OR8K3: variants seen among roughly 807,000 people sequenced by gnomAD.
OR8K3 encodes olfactory receptor 8K3.
For synonymous variants in OR8K3, 167 were observed against 138.8 expected, an observed-to-expected ratio of 1.20 and a Z score of -1.43; for missense variants, 448 against 367.4, an observed-to-expected ratio of 1.22 and a Z score of -1.79.
chr11:56,318,489 T>C lies in OR8K3; in HGVS notation c.183T>C (p.Phe61=), dbSNP rs1440599137. Residue 61 remains phenylalanine, a synonymous_variant, in exon 3 of 3, where the codon TTT becomes TTC. Transcript: ENST00000641662. The part of the protein sequence containing the change: ...LDSRLQTPMY[F]FLRHLAFMDL... ...CCAGGTTGCAAACCCCTATGTACTT[T>C]TTTCTCAGACATCTGGCTTTCATGG... is the stretch of plus-strand genomic sequence containing the variant. 2 of 1,614,106 alleles carry C rather than the reference T, an allele frequency of 1.2e-6. No homozygotes were observed. Among genetic ancestry groups the C allele is most frequent in the African/African-American group, 1.3e-5 (1 of 75,040 alleles).
chr11:56,316,816 T>G (rs1854449887), intron 2 of OR8K3, among the ~76,000 whole-genome samples: 1 of 152,026 alleles, frequency 6.6e-6, no homozygotes, highest in Admixed American at 6.6e-5. Flanking sequence ...TCAGATTTCC[T>G]CAAACTCCCC....
chr11:56,317,707 C>A (rs1372358348), intron 2 of OR8K3, among the ~76,000 whole-genome samples: 1 of 152,012 alleles, frequency 6.6e-6, no homozygotes, highest in Non-Finnish European at 1.5e-5. Context: ...AAACATAGTA[C>A]AATAATTGTT....
At chr11:56,317,339 A>G (rs1401372635) in intron 2 of OR8K3, among the ~76,000 whole-genome samples, 2 of 152,142 alleles carry the variant, frequency 1.3e-5, no homozygotes, top group Non-Finnish European at 1.5e-5. Context: ...GGTTCTGGAT[A>G]TTAGAACAAA....
rs1393565412 is a variant in OR8K3 at position 56,318,475 on chromosome 11, A to T, written c.169A>T (p.Thr57Ser). The stretch of plus-strand genomic sequence containing the variant: ...CACCAAGTTGGACTCCAGGTTGCAA[A>T]CCCCTATGTACTTTTTTCTCAGACA... ...VLTKLDSRLQ[T>S]PMYFFLRHLA... Residue 57 changes from threonine to serine, a missense_variant, in exon 3 of 3, where the codon ACC (threonine) becomes TCC (serine). Thr to Ser is a moderately conservative substitution (Grantham distance 58, BLOSUM62 1). Transcript: ENST00000641662. 1.9e-6 allele frequency: 3 copies of T among 1,613,916 alleles called. No individual in the cohort carries two copies. Among genetic ancestry groups the T allele is most frequent in the Non-Finnish European group, 2.5e-6 (3 of 1,179,970 alleles).
rs1854495722 is a variant in OR8K3 at position 56,319,428 on chromosome 11, T to G, written c.*183T>G. 3.5e-6 allele frequency: 2 copies of G among 570,984 alleles called. No homozygotes were observed. The highest frequency in any genetic ancestry group is 1.9e-5 in the African/African-American group (1 of 53,604). 35.4% of individuals were successfully genotyped at this position (570,984 alleles called of 1,614,324 possible). ...AAAATAGTAGAAATCTTTGCCTTCC[T>G]TGATGGATAGATGAATTGTATTCAC... is the stretch of plus-strand genomic sequence containing the variant. On this transcript the variant is annotated 3_prime_UTR_variant, in exon 3 of 3. Transcript: ENST00000641662.
At chr11:56,315,439 G>A (rs1854430092) in intron 1 of OR8K3, among the ~76,000 whole-genome samples, 1 of 152,094 alleles carries the variant, frequency 6.6e-6, no homozygotes, top group African/African-American at 2.4e-5. Context: ...TCATGATATT[G>A]TTTCTAAAGT....
intron 2 of OR8K3, among the ~76,000 whole-genome samples, chr11:56,316,433 T>C (rs1854444434): frequency 3.4e-5 from 1 of 29,622 alleles, no homozygotes; most frequent in Non-Finnish European, 7.0e-5. Flanking sequence ...GGCTTACGAT[T>C]TTTTTTAACT....
In OR8K3 at chr11:56,319,959, T is replaced by C. The variant is rs144777597; in HGVS notation, c.*714T>C. On this transcript the variant is annotated 3_prime_UTR_variant, in exon 3 of 3. Transcript: ENST00000641662. ...TTTACATGAGTAGATATATCAATTA[T>C]GCTTAAGTTTAGAAGACATCCATAG... 1.0e-3 allele frequency: 156 copies of C among 152,352 alleles called. No homozygotes were observed. The highest frequency in any genetic ancestry group is 3.6e-3 in the African/African-American group (148 of 41,582). 9.4% of individuals were successfully genotyped at this position (152,352 alleles called of 1,614,324 possible).
rs149952066 is a variant in OR8K3, at chr11:56,318,350, C to T, written c.44C>T (p.Thr15Met). The T allele has an allele frequency of 1.2e-4, 192 of 1,613,530 alleles. No individual in the cohort carries two copies. Among genetic ancestry groups the T allele is most frequent in the Admixed American group, 1.5e-4 (9 of 59,954 alleles). The change falls in exon 3 of 3, where the codon ACG becomes ATG. Residue 15 changes from threonine to methionine, a missense_variant. By Grantham distance (81) the Thr-to-Met change is moderately conservative. Coordinates refer to ENST00000641662, the MANE Select transcript of OR8K3 (RefSeq NM_001005202.2). ...NLTTVNEFILTGITDIAELQA... is the reference protein window; with the variant it reads ...NLTTVNEFILMGITDIAELQA... ...ACAACGGTGAATGAATTCATTCTTA[C>T]GGGAATCACAGATATCGCTGAGCTG...
intron 2 of OR8K3, among the ~76,000 whole-genome samples, chr11:56,317,408 A>AAGAT (rs1302093792): frequency 6.6e-6 from 1 of 152,150 alleles, no homozygotes; most frequent in Middle Eastern, 3.2e-3. Flanking sequence ...GACATAAATT[A>AAGAT]AGATATAGTG....
chr11:56,317,908 T>C (rs1187182216), intron 2 of OR8K3, among the ~76,000 whole-genome samples: 1 of 152,146 alleles, frequency 6.6e-6, no homozygotes, highest in Non-Finnish European at 1.5e-5. Flanking sequence ...TCATCAGAGT[T>C]TCTCAACCTT....
chr11:56,315,182 A>AAAT lies in OR8K3; in HGVS notation c.-82+15_-82+16insAAT, dbSNP rs978705519. On this transcript the variant is annotated intron_variant, in intron 1 of 2. Coordinates refer to ENST00000641662, the MANE Select transcript of OR8K3 (RefSeq NM_001005202.2). ...CTTCCTTACAGGTAAAAAAAAAAAA[A>AAAT]GTAAGAATGTTTCTTGTGGTGTCAT... 1.3e-5 allele frequency: 2 copies of AAAT among 151,016 alleles called. No individual in the cohort carries two copies. Among genetic ancestry groups the AAAT allele is most frequent in the African/African-American group, 4.9e-5 (2 of 40,994 alleles). 9.4% of individuals were successfully genotyped at this position (151,016 alleles called of 1,614,324 possible).
At position 56,319,555 on chromosome 11, in the gene OR8K3, G is replaced by A. The variant is rs2134870560; in HGVS notation, c.*310G>A. 3.7e-6 allele frequency: 1 copy of A among 268,190 alleles called. No individual in the cohort carries two copies. The highest frequency in any genetic ancestry group is 7.4e-5 in the East Asian group (1 of 13,562). 16.6% of individuals were successfully genotyped at this position (268,190 alleles called of 1,614,324 possible). ...GTATGCTGGGTGGCAGTAGGAAACA[G>A]TGGTCATTACAGAAGGGAGTTACGA... is the stretch of plus-strand genomic sequence containing the variant. On this transcript the variant is annotated 3_prime_UTR_variant, in exon 3 of 3. Transcript: ENST00000641662.
chr11:56,318,390 T>C lies in OR8K3; in HGVS notation c.84T>C (p.Phe28=). ...TDIAELQAPL[F]ALFLMIYVIS... ...TCGCTGAGCTGCAGGCACCATTATT[T>C]GCATTGTTCCTCATGATCTATGTGA... is the stretch of plus-strand genomic sequence containing the variant. Residue 28 remains phenylalanine (F), a synonymous_variant, in exon 3 of 3, where the codon TTT becomes TTC. Transcript: ENST00000641662. 1 of 1,613,790 alleles carries C rather than the reference T, an allele frequency of 6.2e-7. No individual in the cohort carries two copies. Among genetic ancestry groups the C allele is most frequent in the Non-Finnish European group, 8.5e-7 (1 of 1,179,710 alleles).
In OR8K3 at chr11:56,318,821, A is replaced by G. The variant is rs1854483870; in HGVS notation, c.515A>G (p.Asn172Ser). ...KIFTLSFCGYNVISHFYCDSL... is the reference protein window; with the variant it reads ...KIFTLSFCGYSVISHFYCDSL... ...TTTACTTTATCCTTCTGTGGCTACA[A>G]CGTCATTAGTCATTTCTACTGTGAC... is the stretch of plus-strand genomic sequence containing the variant. Residue 172 changes from asparagine (N) to serine (S), a missense_variant, in exon 3 of 3, where the codon AAC becomes AGC. Transcript: ENST00000641662. 1 of 1,613,960 alleles carries G rather than the reference A, an allele frequency of 6.2e-7. No homozygotes were observed. Among genetic ancestry groups the G allele is most frequent in the Admixed American group, 1.7e-5 (1 of 59,988 alleles).
In OR8K3 at chr11:56,318,748, C is replaced by T. The variant is rs1396981354; in HGVS notation, c.442C>T (p.Pro148Ser). 1 of 1,613,502 alleles carries T rather than the reference C, an allele frequency of 6.2e-7. No homozygotes were observed. The highest frequency in any genetic ancestry group is 8.5e-7 in the Non-Finnish European group (1 of 1,179,704). The change falls in exon 3 of 3, where the codon CCT becomes TCT. Residue 148 changes from proline (P) to serine (S), a missense_variant. Physicochemically the swap from Pro to Ser is moderately conservative, Grantham distance 74. Transcript: ENST00000641662. ...RRVCQVLVAI[P>S]YLYCTFISLL... ...GGTATGTCAGGTGCTGGTAGCAATC[C>T]CTTACCTCTATTGCACATTCATTTC...
Position 56,318,276 on chromosome 11 carries a change from T to C in OR8K3, c.-23-8T>C, listed in dbSNP as rs757349866. ...GAAAGCTATTGACAATGCCGATGTCTCTATCAGAATAGGTTTTCTGATGAA... is the reference window on the plus strand; with the variant it reads ...GAAAGCTATTGACAATGCCGATGTCCCTATCAGAATAGGTTTTCTGATGAA... On this transcript the variant is annotated splice_polypyrimidine_tract_variant and splice_region_variant and intron_variant, in intron 2 of 2. Coordinates refer to ENST00000641662, the MANE Select transcript of OR8K3 (RefSeq NM_001005202.2). The C allele has an allele frequency of 1.3e-6, 2 of 1,505,762 alleles. No individual in the cohort carries two copies. The highest frequency in any genetic ancestry group is 1.4e-5 in the African/African-American group (1 of 72,916). The allele number at this position is 1,505,762 out of a possible 1,614,324, so 93.3% of individuals were successfully genotyped here. A position where few individuals can be genotyped will look rare whatever the true frequency, so the allele number is the denominator to read the frequency against.
Position 56,319,117 on chromosome 11 carries a change from A to G in OR8K3, c.811A>G (p.Lys271Glu). ...GTCCAGTCATTCCTTTGACACTGAT[A>G]AAGTGGCTTCCATATTTTACACCCT... ...PKSSHSFDTD[K>E]VASIFYTLVI... is the part of the protein sequence containing the mutation. The change falls in exon 3 of 3, where the codon AAA (lysine) becomes GAA (glutamate). Residue 271 changes from lysine (K) to glutamate (E), a missense_variant. Coordinates refer to ENST00000641662, the MANE Select transcript of OR8K3 (RefSeq NM_001005202.2). The G allele has an allele frequency of 6.2e-7, 1 of 1,614,008 alleles. No homozygotes were observed. The highest frequency in any genetic ancestry group is 1.7e-5 in the Admixed American group (1 of 60,012).
At chr11:56,317,230 C>T (rs1306661645) in intron 2 of OR8K3, among the ~76,000 whole-genome samples, 3 of 152,084 alleles carry the variant, frequency 2.0e-5, no homozygotes, top group Non-Finnish European at 4.4e-5. Context: ...AGAAAACTCA[C>T]AATGTACTTG....
Sources: gnomAD v4.1 joint callset for allele counts (sites outside exome capture counted in the v4.1 genomes callset) on GRCh38, gnomAD v4.1.1 for gene constraint, MANE v1.5 for transcripts, NCBI Gene and HGNC (gene_info 2026-07-23, HGNC 2026-07-21) for gene names.